The following HEXIM2 variants were observed in gnomAD, a reference collection of about 807,000 sequenced individuals.
The protein encoded by HEXIM2 is protein HEXIM2.
For missense variants in HEXIM2, 413 were observed against 390.8 expected, an observed-to-expected ratio of 1.06 and a Z score of -0.48; for synonymous variants, 159 against 162.7, an observed-to-expected ratio of 0.98 and a Z score of 0.17.
At chr17:45,165,978 G>T (rs1472426316) in intron 3 of HEXIM2, among the ~76,000 whole-genome samples, 1 of 151,580 alleles carries the variant, frequency 6.6e-6, no homozygotes, top group African/African-American at 2.4e-5. Context: ...TGTATTTTTA[G>T]TAGAGACGGG....
chr17:45,164,042 C>T (rs546499062), intron 3 of HEXIM2, among the ~76,000 whole-genome samples: 10 of 151,730 alleles, frequency 6.6e-5, no homozygotes, highest in Non-Finnish European at 1.0e-4. Flanking sequence ...GTAATCCCAG[C>T]GACTCAGGAG....
chr17:45,160,332 T>G (rs900969187), upstream of HEXIM2, among the ~76,000 whole-genome samples: 1 of 152,120 alleles, frequency 6.6e-6, no homozygotes. Flanking sequence ...CTTCAATTAC[T>G]TGGAATTTCA....
chr17:45,169,573 A>T lies in HEXIM2; in HGVS notation c.625A>T (p.Ser209Cys), dbSNP rs759835049. 4 of 1,550,142 alleles carry T rather than the reference A, an allele frequency of 2.6e-6. No individual in the cohort carries two copies. Among genetic ancestry groups the T allele is most frequent in the Non-Finnish European group, 2.6e-6 (3 of 1,147,592 alleles). The change falls in exon 4 of 4, where the codon AGC (serine) becomes TGC (cysteine). Residue 209 changes from serine to cysteine, a missense_variant. Ser to Cys is a moderately radical substitution (Grantham distance 112). Coordinates refer to ENST00000589230, the MANE Select transcript of HEXIM2 (RefSeq NM_001303441.2). ...RFHTESLQGR[S>C]KQELVRDYLE... is the part of the protein sequence containing the mutation. ...CCACACCGAGAGCCTGCAGGGCCGC[A>T]GCAAGCAGGAGCTGGTGCGAGACTA...
rs2042708334 is a variant in HEXIM2 at position 45,161,947 on chromosome 17, T to G, written c.-277T>G. 1 of 985,428 alleles carries G rather than the reference T, an allele frequency of 1.0e-6. No homozygotes were observed. Among genetic ancestry groups the G allele is most frequent in the African/African-American group, 1.7e-5 (1 of 57,238 alleles). 61.0% of individuals were successfully genotyped at this position (985,428 alleles called of 1,614,324 possible). A position where few individuals can be genotyped will look rare whatever the true frequency, so the allele number is the denominator to read the frequency against. ...CTGCAACTGCAGCAAGAGGTAGGGC[T>G]CAGGCGTTGGGAATTGCACCGACAG... On this transcript the variant is annotated 5_prime_UTR_variant, in exon 1 of 4. Transcript: ENST00000589230.
At chr17:45,160,627 A>AC (rs1035261851), upstream of HEXIM2, 133 of 262,662 alleles carry the variant, frequency 5.1e-4, no homozygotes, top group African/African-American at 2.5e-3. Context: ...AGCGACTCCG[A>AC]CTTTGTGCCC....
Position 45,169,537 on chromosome 17 carries a change from T to TA in HEXIM2, c.590dup (p.Tyr197Ter), listed in dbSNP as rs1375058129. 1.3e-6 allele frequency: 2 copies of TA among 1,579,548 alleles called. No individual in the cohort carries two copies. Among genetic ancestry groups the TA allele is most frequent in the East Asian group, 2.3e-5 (1 of 42,830 alleles). The change falls in exon 4 of 4, where the codon TAC (tyrosine) becomes TAAC (stop). Residue 197 changes from tyrosine (Y) to a stop codon, truncating the protein, a stop_gained and frameshift_variant. Transcript: ENST00000589230. LOFTEE classifies it low-confidence loss of function (END_TRUNC). The stretch of plus-strand genomic sequence containing the variant: ...CCAGCGGAAGGACTTCTCTGAGACT[T>TA]ACGAACGCTTCCACACCGAGAGCCT... ...EFQRKDFSET[Y>*]ERFHTESLQG...
intron 3 of HEXIM2, among the ~76,000 whole-genome samples, chr17:45,163,321 G>C (rs576318611): frequency 2.3e-4 from 15 of 65,612 alleles, no homozygotes; most frequent in Non-Finnish European, 3.5e-4. Flanking sequence ...GCGAGACTCC[G>C]TCTCAAAAAA....
upstream of HEXIM2, chr17:45,161,346 A>C (rs1598124542): frequency 5.0e-6 from 1 of 200,754 alleles, no homozygotes; most frequent in Non-Finnish European, 1.1e-5. Context: ...TCCAACCTTC[A>C]CCCTCCCTGG....
upstream of HEXIM2, among the ~76,000 whole-genome samples, chr17:45,160,425 C>T (rs898221813): frequency 2.0e-5 from 3 of 152,034 alleles, no homozygotes; most frequent in African/African-American, 7.3e-5. Flanking sequence ...AAAGAAAAAT[C>T]TTTAAACTGG....
In HEXIM2 at chr17:45,169,702, C is replaced by T. The variant is rs1364151138; in HGVS notation, c.754C>T (p.Leu252=). ...GQQSCRQVEE[L]AAEVQRLRTE... ...GCAGTCCTGCCGCCAGGTGGAGGAGCTGGCTGCCGAGGTCCAGAGGCTCCG... is the reference window on the plus strand; with the variant it reads ...GCAGTCCTGCCGCCAGGTGGAGGAGTTGGCTGCCGAGGTCCAGAGGCTCCG... Residue 252 remains leucine (L), a synonymous_variant, in exon 4 of 4, where the codon CTG becomes TTG. Transcript: ENST00000589230. 6.5e-7 allele frequency: 1 copy of T among 1,529,814 alleles called. No individual in the cohort carries two copies. The highest frequency in any genetic ancestry group is 1.4e-5 in the African/African-American group (1 of 72,388). 94.8% of individuals were successfully genotyped at this position (1,529,814 alleles called of 1,614,324 possible).
intron 3 of HEXIM2, among the ~76,000 whole-genome samples, chr17:45,163,472 G>A (rs1267035749): frequency 2.0e-5 from 3 of 152,082 alleles, no homozygotes; most frequent in African/African-American, 7.2e-5. Flanking sequence ...TAAACTTAGG[G>A]CCTTCTGACA....
In HEXIM2 at chr17:45,169,419, C is replaced by T; in HGVS notation, c.471C>T (p.Asn157=). Residue 157 remains asparagine (N), a synonymous_variant, in exon 4 of 4, where the codon AAC becomes AAT. Transcript: ENST00000589230. ...LMNDRDPEEP[N]LDVPHGISHP... ...ATGACAGGGACCCGGAGGAGCCCAA[C>T]TTGGATGTGCCCCATGGGATCTCCC... 2.5e-6 allele frequency: 4 copies of T among 1,613,976 alleles called. No homozygotes were observed. The highest frequency in any genetic ancestry group is 3.4e-6 in the Non-Finnish European group (4 of 1,180,006).
chr17:45,168,523 A>G (rs2042930689), intron 3 of HEXIM2, among the ~76,000 whole-genome samples: 1 of 151,716 alleles, frequency 6.6e-6, no homozygotes, highest in Non-Finnish European at 1.5e-5. Context: ...AACATGTTTA[A>G]GAGAAGGACA....
At chr17:45,163,052 G>T (rs868418017) in intron 3 of HEXIM2, among the ~76,000 whole-genome samples, 193 bp downstream of exon 3, 1 of 152,136 alleles carries the variant, frequency 6.6e-6, no homozygotes, top group African/African-American at 2.4e-5. Flanking sequence ...GGCCGGGTGC[G>T]GTGGCTCACA....
At chr17:45,162,216 C>T (rs1305222733) in intron 1 of HEXIM2, among the ~76,000 whole-genome samples, 185 bp downstream of exon 1, 1 of 152,212 alleles carries the variant, frequency 6.6e-6, no homozygotes. Flanking sequence ...GAAAAGTCCT[C>T]AGCACTAGGC....
chr17:45,163,540 T>C (rs1233813268), intron 3 of HEXIM2, among the ~76,000 whole-genome samples: 1 of 152,082 alleles, frequency 6.6e-6, no homozygotes, highest in Admixed American at 6.6e-5. Flanking sequence ...GGGTTGAATG[T>C]TTACATTTTG....
intron 3 of HEXIM2, 90 bp from the exon 4 acceptor site, chr17:45,168,925 A>G: frequency 2.4e-6 from 3 of 1,232,240 alleles, no homozygotes; most frequent in Non-Finnish European, 3.4e-6. Flanking sequence ...GAGTGTAGGA[A>G]GGTAGGCTTC....
intron 3 of HEXIM2, among the ~76,000 whole-genome samples, chr17:45,167,948 A>G (rs191661584): frequency 8.8e-4 from 133 of 151,220 alleles, no homozygotes; most frequent in African/African-American, 3.1e-3. Context: ...GCTGGAGTGC[A>G]GTGGTGTAAT....
At position 45,169,080 on chromosome 17, in the gene HEXIM2, C is replaced by T. The variant is rs199878861; in HGVS notation, c.132C>T (p.Pro44=). 2.2e-5 allele frequency: 35 copies of T among 1,614,108 alleles called. No individual in the cohort carries two copies. Among genetic ancestry groups the T allele is most frequent in the Non-Finnish European group, 9.3e-6 (11 of 1,180,026 alleles). The change falls in exon 4 of 4, where the codon CCC becomes CCT. Residue 44 remains proline (P), a synonymous_variant. Transcript: ENST00000589230. ...GTCATGACTCTGGTGGTTCCCTGCC[C>T]CTGACACCGCGGATGGAGAGCCACT... ...PERHDSGGSL[P]LTPRMESHSE... is the part of the protein sequence containing the mutation.
Sources: allele counts gnomAD v4.1 joint callset (sites outside exome capture counted in the v4.1 genomes callset), GRCh38; gene constraint gnomAD v4.1.1; transcripts MANE v1.5; gene names NCBI Gene and HGNC (gene_info 2026-07-23, HGNC 2026-07-21).